The following SIL1 variants were observed in gnomAD, a reference collection of about 807,000 sequenced individuals.
The protein encoded by SIL1 is nucleotide exchange factor SIL1.
A neutral mutation model predicts 49.1 loss-of-function variants in SIL1; 40 were observed. The ratio of observed to expected loss-of-function variants is 0.81; its 90% CI spans 0.63 to 1.06. The LOEUF is 1.06. Ranked by LOEUF, SIL1 falls within the 50% of genes least tolerant of loss-of-function variation. The pLI is 0.00. For synonymous variants in SIL1, 253 were observed against 250.8 expected (o/e 1.01, Z -0.08); for missense variants, 500 against 572.6 (o/e 0.87, Z 1.29).
At chr5:139,189,580 G>C (rs1034794337) in intron 1 of SIL1, among the ~76,000 whole-genome samples, 3 of 152,224 alleles carry the variant, frequency 2.0e-5, no homozygotes, top group African/African-American at 7.2e-5. Context: ...CCAGCATTTT[G>C]GGAGGTCCAG....
rs1205280795 is a variant in SIL1, at chr5:139,161,146, G to C, written c.-10-33293C>G. On this transcript the variant is annotated intron_variant, in intron 1 of 9. Transcript: ENST00000394817. ...TAATTCCAGCTACTCAGGAGGCTGAGGCAGGAGAATCGCTTGAACCTGGGA... is the reference window on the plus strand; with the variant it reads ...TAATTCCAGCTACTCAGGAGGCTGACGCAGGAGAATCGCTTGAACCTGGGA... Among the ~76,000 whole-genome samples the C allele has an allele frequency of 2.0e-5, 3 of 152,154 alleles. No homozygotes were observed. The East Asian group carries it at 5.8e-4, about 29-fold the overall frequency.
chr5:139,052,974 C>T (rs1055526066), intron 3 of SIL1, among the ~76,000 whole-genome samples: 11 of 152,026 alleles, frequency 7.2e-5, no homozygotes, highest in Non-Finnish European at 1.3e-4. Flanking sequence ...CAAACAGCGG[C>T]GGAAGATGGT....
intron 4 of SIL1, among the ~76,000 whole-genome samples, chr5:139,043,974 T>C (rs533683947): frequency 2.2e-4 from 33 of 152,210 alleles, no homozygotes; most frequent in Middle Eastern, 3.4e-3. Flanking sequence ...GAAGAGCACA[T>C]CAGTCTCATA....
intron 7 of SIL1, among the ~76,000 whole-genome samples, chr5:138,970,506 AAG>A (rs1188206249): frequency 6.6e-6 from 1 of 152,172 alleles, no homozygotes; most frequent in East Asian, 1.9e-4. Flanking sequence ...ATCTATGGAA[AAG>A]AGAGTGTACT....
intron 1 of SIL1, among the ~76,000 whole-genome samples, chr5:139,189,379 T>C (rs1382020563): frequency 1.3e-5 from 2 of 152,212 alleles, no homozygotes; most frequent in East Asian, 3.8e-4. Flanking sequence ...GGATCTAGGT[T>C]GAACACTCCT....
intron 1 of SIL1, among the ~76,000 whole-genome samples, chr5:139,129,330 A>G (rs1750815487): frequency 6.6e-6 from 1 of 152,228 alleles, no homozygotes; most frequent in African/African-American, 2.4e-5. Context: ...AGACCATTCA[A>G]TGAGAAAGGA....
At chr5:138,993,154 G>A (rs1454063226) in intron 7 of SIL1, among the ~76,000 whole-genome samples, 1 of 152,162 alleles carries the variant, frequency 6.6e-6, no homozygotes, top group Non-Finnish European at 1.5e-5. Context: ...AGCATCATTT[G>A]ACAGCTTCTG....
At chr5:139,070,023 G>C (rs537694214) in intron 3 of SIL1, among the ~76,000 whole-genome samples, 19 of 152,166 alleles carry the variant, frequency 1.2e-4, no homozygotes, top group Middle Eastern at 3.4e-3. Context: ...AAGTAAGACC[G>C]GCGGTAAACA....
Position 138,946,897 on chromosome 5 carries a change from G to A in SIL1, c.*220C>T. The A allele has an allele frequency of 3.4e-6, 2 of 588,344 alleles. No homozygotes were observed. The highest frequency in any genetic ancestry group is 1.8e-5 in the African/African-American group (1 of 54,080). The allele number at this position is 588,344 out of a possible 1,614,324, so 36.4% of individuals were successfully genotyped here. ...TCCTGGATGCCCTGGGCTGAGCCCT[G>A]CACGTCAGCAGAGCCCATCACCCAA... On this transcript the variant is annotated 3_prime_UTR_variant, in exon 10 of 10. Transcript: ENST00000394817.
intron 1 of SIL1, among the ~76,000 whole-genome samples, chr5:139,139,693 T>C (rs547059602): frequency 6.6e-6 from 1 of 152,332 alleles, no homozygotes; most frequent in Admixed American, 6.5e-5. Flanking sequence ...AGCATAATTA[T>C]TAAAAAGAAA....
chr5:139,087,622 G>A (rs1336645949), intron 3 of SIL1, among the ~76,000 whole-genome samples: 1 of 152,106 alleles, frequency 6.6e-6, no homozygotes, highest in Admixed American at 6.5e-5. Flanking sequence ...TATGGGAACT[G>A]GGGGAGCAAT....
chr5:139,003,009 G>C (rs1768021673), intron 7 of SIL1, among the ~76,000 whole-genome samples: 1 of 152,166 alleles, frequency 6.6e-6, no homozygotes, highest in African/African-American at 2.4e-5. Flanking sequence ...TCTGAGTTAG[G>C]ACCCTGGAGC....
At chr5:139,160,143 T>A (rs1293695950) in intron 1 of SIL1, among the ~76,000 whole-genome samples, 4 of 137,750 alleles carry the variant, frequency 2.9e-5, no homozygotes, top group Non-Finnish European at 4.7e-5. Context: ...ATTTCCACAA[T>A]CACACACACA....
rs60150903 is a variant in SIL1 at position 139,192,997 on chromosome 5, C to CAA, written c.-11+5270_-11+5271dup. Among the ~76,000 whole-genome samples the CAA allele has an allele frequency of 8.1e-4, 64 of 78,988 alleles. 1 individual carries two copies. Among genetic ancestry groups the CAA allele is most frequent in the African/African-American group, 1.6e-3 (22 of 13,896 alleles). 51.8% of individuals were successfully genotyped at this position (78,988 alleles called of 152,430 possible). A position where few individuals can be genotyped will look rare whatever the true frequency, so the allele number is the denominator to read the frequency against. ...GGGCAACAAGAGCGAAACTCAGTCTCAAAAAAAAAAAAAAAAAAAAAAAAA... is the reference window on the plus strand; with the variant it reads ...GGGCAACAAGAGCGAAACTCAGTCTCAAAAAAAAAAAAAAAAAAAAAAAAAAA... On this transcript the variant is annotated intron_variant, in intron 1 of 9. Transcript: ENST00000394817.
chr5:139,187,061 A>T (rs1016416828), intron 1 of SIL1, among the ~76,000 whole-genome samples: 11 of 152,232 alleles, frequency 7.2e-5, no homozygotes, highest in Non-Finnish European at 1.0e-4. Flanking sequence ...ATGCTAAGAG[A>T]CACATTAAAT....
At chr5:138,965,106 C>T (rs1217075586) in intron 7 of SIL1, among the ~76,000 whole-genome samples, 5 of 152,218 alleles carry the variant, frequency 3.3e-5, no homozygotes, top group Non-Finnish European at 5.9e-5. Flanking sequence ...TCCCTCTTGC[C>T]TGGGGAGGTG....
At chr5:139,005,189 T>C (rs1444940643) in intron 7 of SIL1, among the ~76,000 whole-genome samples, 16 of 152,156 alleles carry the variant, frequency 1.1e-4, no homozygotes, top group Admixed American at 8.5e-4. Flanking sequence ...CCAGAATGTA[T>C]ATATATTTTG....
chr5:138,985,391 C>A (rs904710748), intron 7 of SIL1, among the ~76,000 whole-genome samples: 5 of 152,218 alleles, frequency 3.3e-5, no homozygotes, highest in South Asian at 2.1e-4. Context: ...TTCCTTCAGG[C>A]TGACTCCTGT....
intron 3 of SIL1, among the ~76,000 whole-genome samples, chr5:139,102,520 A>G (rs1221419243): frequency 6.6e-6 from 1 of 150,430 alleles, no homozygotes; most frequent in Non-Finnish European, 1.5e-5. Context: ...GAGAGAGAGA[A>G]AGTCATTTTA....
Sources: allele counts gnomAD v4.1 joint callset (sites outside exome capture counted in the v4.1 genomes callset), GRCh38; gene constraint gnomAD v4.1.1; transcripts MANE v1.5; gene names NCBI Gene and HGNC (gene_info 2026-07-23, HGNC 2026-07-21).